ZBBX: variants seen among roughly 807,000 people sequenced by gnomAD.
ZBBX encodes zinc finger B-box domain-containing protein 1.
Under a neutral mutation model 108.5 loss-of-function variants are expected in ZBBX, and 101 were observed. The ratio of observed to expected loss-of-function variants is 0.93; its 90% confidence interval spans 0.79 to 1.10. ZBBX has a LOEUF of 1.10. Ranked by LOEUF, ZBBX falls within the 50% of genes least tolerant of loss-of-function variation. ZBBX has a pLI of 0.00. For missense variants in ZBBX, 1,009 were observed against 941.4 expected (o/e 1.07, Z -0.94); for synonymous variants, 356 against 323.4 (o/e 1.10, Z -1.08).
At chr3:167,407,814 G>A (rs528609498) in exon 1 of ZBBX, among the ~76,000 whole-genome samples, 44 of 152,088 alleles carry the variant, frequency 2.9e-4, no homozygotes, top group African/African-American at 1.0e-3. Flanking sequence ...TCACGCAGTC[G>A]ACTCTGTGTT....
At chr3:167,307,701 C>G (rs1341450252) in intron 16 of ZBBX, among the ~76,000 whole-genome samples, 1 of 152,124 alleles carries the variant, frequency 6.6e-6, no homozygotes, top group Non-Finnish European at 1.5e-5. Context: ...CTGACAAAAA[C>G]AAGCAATGGG....
intron 7 of ZBBX, 123 bp downstream of exon 7, chr3:167,360,552 G>C: frequency 4.1e-6 from 2 of 492,996 alleles, no homozygotes; most frequent in Non-Finnish European, 6.6e-6. Flanking sequence ...AATGTGTCAT[G>C]ATTTGGGGGT....
intron 17 of ZBBX, among the ~76,000 whole-genome samples, chr3:167,302,725 T>C (rs1662487626): frequency 6.6e-6 from 1 of 152,186 alleles, no homozygotes; most frequent in African/African-American, 2.4e-5. Context: ...CAAATGACTT[T>C]ATCACTCACA....
At chr3:167,374,399 C>T (rs993817414) in intron 2 of ZBBX, among the ~76,000 whole-genome samples, 2 of 152,094 alleles carry the variant, frequency 1.3e-5, no homozygotes, top group Non-Finnish European at 1.5e-5. Context: ...TAATAATTTA[C>T]TCTGTAATGC....
At chr3:167,339,885 G>A (rs1247136002) in intron 9 of ZBBX, among the ~76,000 whole-genome samples, 2 of 151,912 alleles carry the variant, frequency 1.3e-5, no homozygotes, top group Non-Finnish European at 2.9e-5. Flanking sequence ...TGTTCTCATT[G>A]TTCAACTCCC....
intron 17 of ZBBX, among the ~76,000 whole-genome samples, chr3:167,302,449 AT>A (rs544995912): frequency 1.3e-5 from 2 of 151,626 alleles, no homozygotes; most frequent in South Asian, 2.1e-4. Context: ...ATTACCTTAA[AT>A]TTTTTTTTAA....
chr3:167,348,489 G>A (rs1009977036), intron 9 of ZBBX, among the ~76,000 whole-genome samples: 1 of 151,736 alleles, frequency 6.6e-6, no homozygotes, highest in East Asian at 1.9e-4. Context: ...AGGAAAGAAA[G>A]AGAGGAAATT....
intron 1 of ZBBX, among the ~76,000 whole-genome samples, chr3:167,403,288 G>A (rs1295938971): frequency 2.0e-5 from 3 of 152,050 alleles, no homozygotes; most frequent in Non-Finnish European, 2.9e-5. Context: ...ACTAAAAAAC[G>A]ATTATCAACT....
chr3:167,310,282 C>G (rs183794809), intron 16 of ZBBX, among the ~76,000 whole-genome samples: 1 of 152,268 alleles, frequency 6.6e-6, no homozygotes, highest in East Asian at 1.9e-4. Context: ...TCTAGGAAGT[C>G]CTAAGCTTTC....
In ZBBX at chr3:167,397,142, T is replaced by TAAAAAAAAAAAAAA. The variant is rs61671930; in HGVS notation, c.-446+10570_-446+10583dup. The stretch of plus-strand genomic sequence containing the variant: ...GTCGTGAAGAAGAGGTTCTTGGTGG[T>TAAAAAAAAAAAAAA]AAAAAAAAAAAAAAAAAAAAAAAAT... On this transcript the variant is annotated intron_variant, in intron 1 of 21. Coordinates refer to the ZBBX transcript ENST00000455345. 2.3e-3 allele frequency among the ~76,000 whole-genome samples: 169 copies of TAAAAAAAAAAAAAA among 72,400 alleles called. 5 individuals are homozygous for TAAAAAAAAAAAAAA. Among genetic ancestry groups the TAAAAAAAAAAAAAA allele is most frequent in the African/African-American group, 6.4e-3 (119 of 18,704 alleles). 47.5% of individuals were successfully genotyped at this position (72,400 alleles called of 152,430 possible).
intron 17 of ZBBX, among the ~76,000 whole-genome samples, chr3:167,300,609 C>T (rs775883362): frequency 1.4e-5 from 2 of 141,798 alleles, no homozygotes; most frequent in Non-Finnish European, 3.1e-5. Flanking sequence ...CCCACCAACC[C>T]TTTTTTTTTT....
chr3:167,235,357 TA>T (rs1192925534), downstream of ZBBX, among the ~76,000 whole-genome samples: 10 of 151,606 alleles, frequency 6.6e-5, no homozygotes, highest in Admixed American at 5.3e-4. Flanking sequence ...TTTGACTATG[TA>T]AAAAAATGTG....
chr3:167,318,316 A>T (rs1192612637), intron 12 of ZBBX, among the ~76,000 whole-genome samples: 1 of 152,022 alleles, frequency 6.6e-6, no homozygotes, highest in Non-Finnish European at 1.5e-5. Context: ...TGATATTTGT[A>T]GTTAATATGG....
At chr3:167,355,041 T>C (rs778218565) in intron 8 of ZBBX, among the ~76,000 whole-genome samples, 11 of 151,990 alleles carry the variant, frequency 7.2e-5, no homozygotes, top group Non-Finnish European at 1.6e-4. Context: ...CCACAGATGC[T>C]TCCTCAATGA....
At chr3:167,400,389 A>T (rs1049966679) in intron 1 of ZBBX, among the ~76,000 whole-genome samples, 2 of 152,102 alleles carry the variant, frequency 1.3e-5, no homozygotes, top group African/African-American at 4.8e-5. Context: ...CTTTTTAATA[A>T]TAGGCATTCT....
intron 1 of ZBBX, among the ~76,000 whole-genome samples, chr3:167,399,961 T>C (rs184777917): frequency 1.6e-4 from 24 of 152,308 alleles, no homozygotes; most frequent in Non-Finnish European, 2.9e-4. Flanking sequence ...ATTCAGTATT[T>C]GGTTTTCTGT....
chr3:167,384,658 A>G (rs1345368654), upstream of ZBBX, among the ~76,000 whole-genome samples: 8 of 152,218 alleles, frequency 5.3e-5, no homozygotes, highest in East Asian at 1.5e-3. Context: ...GAGAAACTAC[A>G]GAAGACATAG....
chr3:167,382,678 C>T (rs917290530), upstream of ZBBX, among the ~76,000 whole-genome samples: 4 of 152,060 alleles, frequency 2.6e-5, no homozygotes, highest in African/African-American at 9.7e-5. Context: ...AACAGCATGT[C>T]TTTTCAATGC....
chr3:167,371,268 GA>G (rs762053978), intron 4 of ZBBX, among the ~76,000 whole-genome samples: 10 of 152,036 alleles, frequency 6.6e-5, no homozygotes, highest in Non-Finnish European at 1.2e-4. Flanking sequence ...TAGACAATTG[GA>G]TATGTCTGAG....
Sources: allele counts gnomAD v4.1 joint callset (sites outside exome capture counted in the v4.1 genomes callset), GRCh38; gene constraint gnomAD v4.1.1; transcripts MANE v1.5; gene names NCBI Gene and HGNC (gene_info 2026-07-23, HGNC 2026-07-21).